The following EML4 variants were observed in gnomAD, a reference collection of about 807,000 sequenced individuals.
EML4 encodes echinoderm microtubule-associated protein-like 4.
EML4 carries 72 observed loss-of-function variants against 129.0 expected under a neutral mutation model. That is an observed-to-expected ratio of 0.56 (90% CI 0.46 to 0.68). The LOEUF is 0.68. Ranked by LOEUF, EML4 falls within the 30% of genes least tolerant of loss-of-function variation. The pLI is 0.00. For missense variants in EML4, 1,363 were observed against 1,190.6 expected, an observed-to-expected ratio of 1.14 and a Z score of -2.13; for synonymous variants, 532 against 405.0, an observed-to-expected ratio of 1.31 and a Z score of -3.77.
Position 42,282,892 on chromosome 2 carries a change from C to T in EML4, c.861C>T (p.Phe287=), listed in dbSNP as rs1180341658. Residue 287 remains phenylalanine, a synonymous_variant, in exon 8 of 23, where the codon TTC becomes TTT. Coordinates refer to ENST00000318522, the MANE Select transcript of EML4 (RefSeq NM_019063.5). ...YLLPTGKIVY[F]IASVVVLFNY... Reference sequence around the variant, plus strand: ...TTCCGACCGGGAAAATAGTTTATTTCATTGCATCAGTAGTAGTACTATTTA... The same window carrying T: ...TTCCGACCGGGAAAATAGTTTATTTTATTGCATCAGTAGTAGTACTATTTA... 6.2e-7 allele frequency: 1 copy of T among 1,611,302 alleles called. No individual in the cohort carries two copies. The highest frequency in any genetic ancestry group is 2.2e-5 in the East Asian group (1 of 44,838).
rs753681722 is a variant in EML4 at position 42,263,313 on chromosome 2, A to T, written c.641+7A>T. ...TTACCAAAACTGCAGACAAGTAAGT[A>T]TTGCACTTTCTTCATTATATCTGAA... is the stretch of plus-strand genomic sequence containing the variant. On this transcript the variant is annotated splice_region_variant and intron_variant, in intron 5 of 22. Transcript: ENST00000318522. 6.3e-7 allele frequency: 1 copy of T among 1,580,852 alleles called. No homozygotes were observed. The highest frequency in any genetic ancestry group is 8.6e-7 in the Non-Finnish European group (1 of 1,160,770).
chr2:42,293,270 G>C (rs948497544), intron 11 of EML4, among the ~76,000 whole-genome samples: 3 of 151,680 alleles, frequency 2.0e-5, no homozygotes, highest in African/African-American at 7.3e-5. Context: ...CGCCACGCCG[G>C]CTAATTTACT....
At chr2:42,325,602 T>TTATTTATATATATATATATATATA (rs1669752765) in intron 20 of EML4, 48 bp downstream of exon 20, 1 of 124,280 alleles carries the variant, frequency 8.0e-6, no homozygotes, top group South Asian at 2.0e-4. Flanking sequence ...ATGATTATAT[T>TTATTTATATATATATATATATATA]TATATATATA....
intron 1 of EML4, among the ~76,000 whole-genome samples, chr2:42,184,936 C>T (rs1292153775): frequency 6.6e-6 from 1 of 152,176 alleles, no homozygotes; most frequent in Non-Finnish European, 1.5e-5. Context: ...TATCCAGTGC[C>T]TAACCGCTTT....
At chr2:42,254,655 G>A (rs754534863) in intron 2 of EML4, among the ~76,000 whole-genome samples, 1 of 150,986 alleles carries the variant, frequency 6.6e-6, no homozygotes, top group East Asian at 1.9e-4. Flanking sequence ...ACAAGTGTTG[G>A]CAAGAATATG....
At chr2:42,274,716 G>T (rs959578875) in intron 6 of EML4, among the ~76,000 whole-genome samples, 2 of 152,204 alleles carry the variant, frequency 1.3e-5, no homozygotes, top group African/African-American at 4.8e-5. Context: ...AAAAGAATGA[G>T]AGTTTTGATT....
chr2:42,272,769 C>T (rs544947769), intron 6 of EML4, among the ~76,000 whole-genome samples: 36 of 152,210 alleles, frequency 2.4e-4, no homozygotes, highest in African/African-American at 8.2e-4. Flanking sequence ...AAGATTAGAA[C>T]GTTCTCTAAT....
intron 1 of EML4, among the ~76,000 whole-genome samples, chr2:42,230,663 C>T (rs1277636692): frequency 1.3e-5 from 2 of 152,202 alleles, no homozygotes; most frequent in Non-Finnish European, 2.9e-5. Context: ...ACCTCAGCCT[C>T]CGAAAGTGCT....
intron 1 of EML4, among the ~76,000 whole-genome samples, chr2:42,234,909 C>T (rs1674562935): frequency 2.6e-5 from 4 of 152,196 alleles, no homozygotes; most frequent in Admixed American, 2.0e-4. Context: ...GTAATCCCAA[C>T]ACTTTGGGAG....
intron 1 of EML4, among the ~76,000 whole-genome samples, chr2:42,205,949 A>C (rs1672514704): frequency 6.6e-6 from 1 of 152,062 alleles, no homozygotes; most frequent in Non-Finnish European, 1.5e-5. Flanking sequence ...CTTAGATTTC[A>C]AGACCCAATT....
intron 14 of EML4, among the ~76,000 whole-genome samples, chr2:42,302,188 C>T (rs1345671238): frequency 1.3e-5 from 2 of 152,004 alleles, no homozygotes; most frequent in Non-Finnish European, 2.9e-5. Context: ...TTTTAATTTA[C>T]AGAGAACTTC....
intron 1 of EML4, among the ~76,000 whole-genome samples, chr2:42,223,374 A>G (rs1035196798): frequency 6.6e-6 from 1 of 152,124 alleles, no homozygotes; most frequent in Non-Finnish European, 1.5e-5. Context: ...TTGTTTGCTC[A>G]TAAGATCAGT....
At position 42,316,002 on chromosome 2, in the gene EML4, A is replaced by G. The variant is rs1020676188; in HGVS notation, c.2008A>G (p.Ile670Val). 4.3e-6 allele frequency: 7 copies of G among 1,613,916 alleles called. No individual in the cohort carries two copies. Among genetic ancestry groups the G allele is most frequent in the Admixed American group, 1.7e-5 (1 of 60,014 alleles). ...TGCAGAAACCAGAGATCTAGTTTCT[A>G]TCCACACAGACGGGAATGAACAGCT... ...LDAETRDLVS[I>V]HTDGNEQLSV... Residue 670 changes from isoleucine (I) to valine (V), a missense_variant, in exon 18 of 23, where the codon ATC (isoleucine) becomes GTC (valine). By Grantham distance (29) the Ile-to-Val change is conservative. Transcript: ENST00000318522.
intron 1 of EML4, among the ~76,000 whole-genome samples, chr2:42,233,608 CT>C: frequency 6.6e-6 from 1 of 151,960 alleles, no homozygotes; most frequent in East Asian, 1.9e-4. Flanking sequence ...CACCCAGCCC[CT>C]ATTACAGGTT....
intron 1 of EML4, among the ~76,000 whole-genome samples, chr2:42,182,892 T>C (rs1203171441): frequency 6.6e-6 from 1 of 152,194 alleles, no homozygotes; most frequent in Non-Finnish European, 1.5e-5. Context: ...TTTCTTTGTG[T>C]GTACATATCA....
Position 42,330,770 on chromosome 2 carries a change from C to T in EML4, c.*563C>T, listed in dbSNP as rs1054716188. On this transcript the variant is annotated 3_prime_UTR_variant, in exon 23 of 23. Coordinates refer to ENST00000318522, the MANE Select transcript of EML4 (RefSeq NM_019063.5). Reference sequence around the variant, plus strand: ...TGGTGTTGCCTTCTTTAAAAAATGCCGTTTTCTTACACTACCAGTGGATGT... The same window carrying T: ...TGGTGTTGCCTTCTTTAAAAAATGCTGTTTTCTTACACTACCAGTGGATGT... 18 of 218,270 alleles carry T rather than the reference C, an allele frequency of 8.2e-5. 1 individual carries two copies. Among genetic ancestry groups the T allele is most frequent in the Admixed American group, 6.7e-4 (13 of 19,364 alleles). 13.5% of individuals were successfully genotyped at this position (218,270 alleles called of 1,614,324 possible).
intron 6 of EML4, 165 bp downstream of exon 6, chr2:42,264,896 A>C (rs1035592442): frequency 6.5e-6 from 10 of 1,549,814 alleles, no homozygotes; most frequent in Non-Finnish European, 8.7e-6. Context: ...ATTGTAAGGT[A>C]ATGTCATTTT....
intron 1 of EML4, among the ~76,000 whole-genome samples, chr2:42,244,081 G>T (rs13027968): frequency 5.7e-5 from 8 of 139,820 alleles, no homozygotes; most frequent in South Asian, 2.3e-4. Context: ...TTTGTTTTTT[G>T]TTTTTTGTTT....
intron 1 of EML4, among the ~76,000 whole-genome samples, chr2:42,173,348 A>G (rs1417039557): frequency 1.3e-5 from 2 of 152,086 alleles, no homozygotes; most frequent in African/African-American, 4.8e-5. Context: ...GAAGAGTTCA[A>G]GATAGACTCA....
Sources: gnomAD v4.1 joint callset for allele counts (sites outside exome capture counted in the v4.1 genomes callset) on GRCh38, gnomAD v4.1.1 for gene constraint, MANE v1.5 for transcripts, NCBI Gene and HGNC (gene_info 2026-07-23, HGNC 2026-07-21) for gene names.